PRKCA: variants seen among roughly 807,000 people sequenced by gnomAD.
The protein encoded by PRKCA is protein kinase C alpha type.
Under a neutral mutation model 87.0 loss-of-function variants are expected in PRKCA, and 27 were observed. The observed-to-expected ratio is 0.31, with a 90% confidence interval of 0.23 to 0.43. The LOEUF (loss-of-function observed/expected upper bound fraction) is 0.43, where lower values mean the gene tolerates loss of function less well. Ranked by LOEUF, PRKCA falls within the 20% of genes least tolerant of loss-of-function variation. The pLI is 1.00. For missense variants in PRKCA, 518 were observed against 852.3 expected (o/e 0.61, Z 4.88); for synonymous variants, 329 against 311.1 (o/e 1.06, Z -0.61).
intron 2 of PRKCA, among the ~76,000 whole-genome samples, chr17:66,409,724 T>C (rs532877776): frequency 1.2e-4 from 19 of 152,102 alleles, no homozygotes; most frequent in Non-Finnish European, 1.6e-4. Flanking sequence ...GGTCAGGAGA[T>C]CGAGACCATC....
chr17:66,735,718 A>G, intron 10 of PRKCA, 56 bp downstream of exon 10: 1 of 1,559,992 alleles, frequency 6.4e-7, no homozygotes, highest in Non-Finnish European at 8.7e-7. Context: ...GCTACGCCTC[A>G]GCCCAAAGCT....
chr17:66,341,134 C>G (rs925351530), intron 2 of PRKCA, among the ~76,000 whole-genome samples: 1 of 152,090 alleles, frequency 6.6e-6, no homozygotes, highest in Non-Finnish European at 1.5e-5. Context: ...ATTGCCGAAT[C>G]AAAATTTTTC....
At chr17:66,711,455 T>C (rs371410027) in intron 8 of PRKCA, among the ~76,000 whole-genome samples, 2 of 152,218 alleles carry the variant, frequency 1.3e-5, no homozygotes, top group African/African-American at 4.8e-5. Flanking sequence ...CGTTGCAATC[T>C]AATCAACCAT....
chr17:66,330,692 A>G (rs1211212705), intron 2 of PRKCA, among the ~76,000 whole-genome samples: 1 of 152,098 alleles, frequency 6.6e-6, no homozygotes, highest in Non-Finnish European at 1.5e-5. Context: ...TGACTGTAGG[A>G]AAAAGGTATT....
intron 2 of PRKCA, chr17:66,403,869 G>A (rs929366880): frequency 7.2e-5 from 11 of 152,172 alleles, no homozygotes; most frequent in Admixed American, 6.5e-4. Context: ...GAATAAGTAA[G>A]CATTACTTTT....
chr17:66,457,615 G>A (rs979675446), intron 2 of PRKCA, among the ~76,000 whole-genome samples: 11 of 152,074 alleles, frequency 7.2e-5, no homozygotes, highest in African/African-American at 2.4e-4. Flanking sequence ...TGAATCATGG[G>A]GGTAGTTACC....
intron 3 of PRKCA, among the ~76,000 whole-genome samples, chr17:66,509,944 A>G (rs564321677): frequency 6.6e-6 from 1 of 152,362 alleles, no homozygotes; most frequent in African/African-American, 2.4e-5. Flanking sequence ...TCCCTAAAGA[A>G]AATGAAAATA....
At chr17:66,352,974 T>C (rs1202685138) in intron 2 of PRKCA, among the ~76,000 whole-genome samples, 2 of 152,216 alleles carry the variant, frequency 1.3e-5, no homozygotes, top group Admixed American at 1.3e-4. Flanking sequence ...TTTATATTTC[T>C]ATGTATTTCT....
chr17:66,607,216 AAG>A (rs982110880), intron 3 of PRKCA, among the ~76,000 whole-genome samples: 8 of 152,218 alleles, frequency 5.3e-5, no homozygotes, highest in Admixed American at 1.3e-4. Context: ...TTATTACCAT[AAG>A]AGAAAAATAT....
chr17:66,671,201 A>C, intron 5 of PRKCA, among the ~76,000 whole-genome samples: 1 of 114,632 alleles, frequency 8.7e-6, no homozygotes, highest in African/African-American at 3.4e-5. Context: ...ACAGTGGGAG[A>C]CTCATCTCAA....
At chr17:66,345,860 G>T (rs535307040) in intron 2 of PRKCA, among the ~76,000 whole-genome samples, 54 of 152,180 alleles carry the variant, frequency 3.5e-4, no homozygotes, top group South Asian at 1.0e-3. Flanking sequence ...ATGCAGTTAG[G>T]TGTATCAACA....
chr17:66,763,478 C>T (rs776368442), intron 13 of PRKCA, among the ~76,000 whole-genome samples: 9 of 152,180 alleles, frequency 5.9e-5, no homozygotes, highest in South Asian at 2.1e-4. Flanking sequence ...GCTGTTTGGA[C>T]GCGTCAGACA....
At chr17:66,432,970 C>A (rs1913174504) in intron 2 of PRKCA, among the ~76,000 whole-genome samples, 2 of 152,144 alleles carry the variant, frequency 1.3e-5, no homozygotes, top group Admixed American at 1.3e-4. Flanking sequence ...CTTGTGAAGC[C>A]AGGCTCTTTG....
At chr17:66,685,120 C>G (rs140490983) in intron 5 of PRKCA, among the ~76,000 whole-genome samples, 2 of 152,104 alleles carry the variant, frequency 1.3e-5, no homozygotes, top group Admixed American at 6.5e-5. Context: ...GAAAGGAGTC[C>G]GGAACATCAT....
At chr17:66,702,651 A>G (rs544486276) in intron 8 of PRKCA, among the ~76,000 whole-genome samples, 1 of 152,342 alleles carries the variant, frequency 6.6e-6, no homozygotes, top group African/African-American at 2.4e-5. Flanking sequence ...TTCACAGTGG[A>G]TATGTACACA....
chr17:66,680,663 A>T (rs1169044555), intron 5 of PRKCA, among the ~76,000 whole-genome samples: 4 of 152,200 alleles, frequency 2.6e-5, no homozygotes, highest in Non-Finnish European at 5.9e-5. Flanking sequence ...ACAGGGATAC[A>T]GCTGTGTCCT....
chr17:66,497,219 C>T (rs548085003), intron 3 of PRKCA, among the ~76,000 whole-genome samples: 9 of 152,130 alleles, frequency 5.9e-5, no homozygotes, highest in East Asian at 3.9e-4. Flanking sequence ...ATCCACAGGC[C>T]GGGCACGGTG....
At position 66,382,549 on chromosome 17, in the gene PRKCA, C is replaced by A. The variant is rs374044669; in HGVS notation, c.205+76422C>A. Among the ~76,000 whole-genome samples, 27 of 152,312 alleles carry A rather than the reference C, an allele frequency of 1.8e-4. No homozygotes were observed. The South Asian group carries it at 5.6e-3, about 32-fold the overall frequency. On this transcript the variant is annotated intron_variant, in intron 2 of 16. Coordinates refer to ENST00000413366, the MANE Select transcript of PRKCA (RefSeq NM_002737.3). ...CTCCTGACCTCAAGTGATTTGCCTG[C>A]CTCAGCCTCCCAAAGTGCTGGGATT...
intron 2 of PRKCA, among the ~76,000 whole-genome samples, chr17:66,314,538 G>GT (rs1567767405): frequency 1.3e-5 from 2 of 152,202 alleles, no homozygotes; most frequent in African/African-American, 4.8e-5. Context: ...TAAGATTAGC[G>GT]TAAGGGCAGT....
Sources: allele counts gnomAD v4.1 joint callset (sites outside exome capture counted in the v4.1 genomes callset), GRCh38; gene constraint gnomAD v4.1.1; transcripts MANE v1.5; gene names NCBI Gene and HGNC (gene_info 2026-07-23, HGNC 2026-07-21).